MB21D2: variants seen among roughly 807,000 people sequenced by gnomAD.
MB21D2 encodes the protein Mab-21 domain containing 2, also known as nucleotidyltransferase MB21D2.
Under a neutral mutation model 33.3 loss-of-function variants are expected in MB21D2, and 9 were observed. The observed-to-expected ratio is 0.27, with a 90% CI of 0.16 to 0.47. The LOEUF (loss-of-function observed/expected upper bound fraction) is 0.47. Among genes scored for constraint, MB21D2 ranks in the 20% least tolerant of loss-of-function variants. The pLI is 0.99. For missense variants in MB21D2, 540 were observed against 624.6 expected (o/e 0.86, Z 1.44); for synonymous variants, 241 against 236.3 (o/e 1.02, Z -0.18).
At chr3:192,893,786 G>A (rs1013013733) in intron 1 of MB21D2, among the ~76,000 whole-genome samples, 1 of 152,144 alleles carries the variant, frequency 6.6e-6, no homozygotes, top group Non-Finnish European at 1.5e-5. Context: ...TGTAATCTCA[G>A]CACTTTGGGA....
chr3:192,835,503 C>A (rs945670616), intron 1 of MB21D2, among the ~76,000 whole-genome samples: 1 of 145,652 alleles, frequency 6.9e-6, no homozygotes, highest in Non-Finnish European at 1.5e-5. Context: ...AGCACATTTG[C>A]AAATTTTATT....
chr3:192,913,813 C>T (rs963895423), intron 1 of MB21D2, among the ~76,000 whole-genome samples: 6 of 151,928 alleles, frequency 3.9e-5, no homozygotes, highest in African/African-American at 9.7e-5. Flanking sequence ...GGCTGGGCAA[C>T]GGAGCAAGAT....
intron 1 of MB21D2, among the ~76,000 whole-genome samples, chr3:192,821,456 T>C (rs1712053948): frequency 6.6e-6 from 1 of 152,080 alleles, no homozygotes; most frequent in Admixed American, 6.5e-5. Flanking sequence ...CACCTGCAGC[T>C]TTCAAACACT....
intron 1 of MB21D2, among the ~76,000 whole-genome samples, chr3:192,895,138 G>A (rs1713938831): frequency 1.3e-5 from 2 of 152,304 alleles, no homozygotes; most frequent in South Asian, 4.1e-4. Flanking sequence ...CGCTTCTCAA[G>A]GGGCCTGAAG....
At chr3:192,884,591 TCTC>T (rs578260455) in intron 1 of MB21D2, among the ~76,000 whole-genome samples, 101 of 152,084 alleles carry the variant, frequency 6.6e-4, no homozygotes, top group Non-Finnish European at 1.3e-3. Flanking sequence ...ATGGTCTTGA[TCTC>T]CTGACCTCGT....
intron 1 of MB21D2, among the ~76,000 whole-genome samples, chr3:192,863,236 G>A (rs936846773): frequency 1.3e-5 from 2 of 152,210 alleles, no homozygotes; most frequent in African/African-American, 4.8e-5. Context: ...AGCCTTCAGA[G>A]GGAGCACTGG....
chr3:192,816,065 G>A (rs972856528), intron 1 of MB21D2, among the ~76,000 whole-genome samples: 1 of 152,076 alleles, frequency 6.6e-6, no homozygotes, highest in African/African-American at 2.4e-5. Flanking sequence ...TTTGAATAGA[G>A]GTGTACAATT....
chr3:192,814,894 T>C (rs1433738485), intron 1 of MB21D2, among the ~76,000 whole-genome samples: 1 of 148,284 alleles, frequency 6.7e-6, no homozygotes, highest in Non-Finnish European at 1.5e-5. Flanking sequence ...TTAGACAAAG[T>C]CAAAGATGAG....
intron 1 of MB21D2, among the ~76,000 whole-genome samples, chr3:192,802,847 A>G (rs188445940): frequency 1.5e-3 from 233 of 152,352 alleles, no homozygotes; most frequent in African/African-American, 5.2e-3. Flanking sequence ...CGTGAGAAGT[A>G]CTGTGAAATG....
chr3:192,917,249 C>G (rs1401112575), intron 1 of MB21D2, among the ~76,000 whole-genome samples: 4 of 152,222 alleles, frequency 2.6e-5, no homozygotes, highest in Non-Finnish European at 1.5e-5. Context: ...CTGCCTCCGG[C>G]AGCCAAATCC....
At chr3:192,803,336 G>C (rs998835114) in intron 1 of MB21D2, among the ~76,000 whole-genome samples, 4 of 152,184 alleles carry the variant, frequency 2.6e-5, no homozygotes, top group Admixed American at 1.3e-4. Context: ...ATATTCAGGA[G>C]ATAGGGTAAT....
rs545465329 is a variant in MB21D2 at position 192,910,199 on chromosome 3, C to A, written c.211+7431G>T. On this transcript the variant is annotated intron_variant, in intron 1 of 1. Coordinates refer to ENST00000392452, the MANE Select transcript of MB21D2 (RefSeq NM_178496.4). ...ATAGAATAGAGGTGGGGCGTGGTAGCTCATGCCTGTAATCCCAACACTTTG... is the reference window on the plus strand; with the variant it reads ...ATAGAATAGAGGTGGGGCGTGGTAGATCATGCCTGTAATCCCAACACTTTG... Among the ~76,000 whole-genome samples the A allele has an allele frequency of 8.0e-5, 12 of 150,136 alleles. 1 individual carries two copies. In the South Asian group the frequency reaches 2.5e-3, roughly 32 times the overall value.
chr3:192,900,884 T>A (rs955344602), intron 1 of MB21D2, among the ~76,000 whole-genome samples: 2 of 150,304 alleles, frequency 1.3e-5, no homozygotes, highest in Admixed American at 6.6e-5. Flanking sequence ...GAGGCTATGG[T>A]GAGCTGAGAT....
In MB21D2 at chr3:192,803,590, C is replaced by T. The variant is rs188579127; in HGVS notation, c.212-3940G>A. On this transcript the variant is annotated intron_variant, in intron 1 of 1. Transcript: ENST00000392452. ...CCCAGCGTTATACAAGCCCAAATGT[C>T]TTCCTTGAAAACTTTCCTGGGCTAA... Among the ~76,000 whole-genome samples the T allele has an allele frequency of 1.6e-4, 24 of 152,274 alleles. No individual in the cohort carries two copies. In the East Asian group the frequency reaches 4.4e-3, roughly 28 times the overall value.
At chr3:192,859,042 A>T (rs754770162) in intron 1 of MB21D2, among the ~76,000 whole-genome samples, 13 of 152,154 alleles carry the variant, frequency 8.5e-5, no homozygotes, top group Non-Finnish European at 1.6e-4. Context: ...GAAGGGGTTC[A>T]TGTGTGCTGG....
At chr3:192,880,739 T>G (rs535689169) in intron 1 of MB21D2, among the ~76,000 whole-genome samples, 2 of 152,284 alleles carry the variant, frequency 1.3e-5, no homozygotes, top group East Asian at 3.9e-4. Context: ...TCTCTGCAGT[T>G]AGCACATCCA....
intron 1 of MB21D2, among the ~76,000 whole-genome samples, chr3:192,801,591 G>A (rs982438501): frequency 2.6e-5 from 4 of 152,112 alleles, no homozygotes; most frequent in Non-Finnish European, 4.4e-5. Context: ...AGAAACCTCA[G>A]AGCGCTTCTT....
chr3:192,863,732 A>G (rs1469994506), intron 1 of MB21D2, among the ~76,000 whole-genome samples: 1 of 152,168 alleles, frequency 6.6e-6, no homozygotes, highest in South Asian at 2.1e-4. Flanking sequence ...GCCAGGTCGT[A>G]AGAGCAGAGC....
chr3:192,845,112 T>C (rs1712652613), intron 1 of MB21D2, among the ~76,000 whole-genome samples: 2 of 152,238 alleles, frequency 1.3e-5, no homozygotes. Context: ...TTGTCTCACT[T>C]CCTTGGGAAA....
Sources: gnomAD v4.1 joint callset for allele counts (sites outside exome capture counted in the v4.1 genomes callset) on GRCh38, gnomAD v4.1.1 for gene constraint, MANE v1.5 for transcripts, NCBI Gene and HGNC (gene_info 2026-07-23, HGNC 2026-07-21) for gene names.